SPATA17: variants seen among roughly 807,000 people sequenced by gnomAD.
SPATA17 encodes the protein spermatogenesis associated 17.
In SPATA17, 53 loss-of-function variants were observed where a neutral mutation model predicts 62.2. The observed-to-expected ratio is 0.85, with a 90% CI of 0.68 to 1.07. The LOEUF (loss-of-function observed/expected upper bound fraction) is 1.07. Ranked by LOEUF, SPATA17 falls within the 50% of genes least tolerant of loss-of-function variation. The probability of loss-of-function intolerance (pLI) is 0.00; values close to 1 mark genes in which losing one functional copy is unlikely to be tolerated. For synonymous variants in SPATA17, 146 were observed against 146.8 expected (o/e 0.99, Z 0.04); for missense variants, 466 against 425.5 (o/e 1.10, Z -0.84).
At chr1:217,849,640 C>T (rs1010300056) in intron 9 of SPATA17, among the ~76,000 whole-genome samples, 1 of 152,018 alleles carries the variant, frequency 6.6e-6, no homozygotes, top group Non-Finnish European at 1.5e-5. Context: ...AGTATGAAAC[C>T]TTTCACTTAA....
chr1:217,847,026 C>T (rs1242026034), intron 9 of SPATA17, among the ~76,000 whole-genome samples: 1 of 151,938 alleles, frequency 6.6e-6, no homozygotes, highest in Non-Finnish European at 1.5e-5. Context: ...CAAAACAATA[C>T]ATACACAGTT....
At chr1:217,732,849 TATTA>T (rs1332691699) in intron 5 of SPATA17, among the ~76,000 whole-genome samples, 2 of 152,202 alleles carry the variant, frequency 1.3e-5, no homozygotes, top group Non-Finnish European at 2.9e-5. Flanking sequence ...GTTATGTCAT[TATTA>T]ATTATTTGAC....
intron 1 of SPATA17, among the ~76,000 whole-genome samples, chr1:217,643,073 C>G (rs754363847): frequency 3.9e-5 from 6 of 152,138 alleles, no homozygotes; most frequent in Non-Finnish European, 8.8e-5. Context: ...CATTTTACAT[C>G]TATACTTATT....
chr1:217,859,028 A>C (rs899871926), intron 9 of SPATA17, among the ~76,000 whole-genome samples: 9 of 150,860 alleles, frequency 6.0e-5, no homozygotes, highest in Non-Finnish European at 7.4e-5. Flanking sequence ...ACTCCGTCTC[A>C]AAAAATAAAT....
intron 8 of SPATA17, 79 bp downstream of exon 8, chr1:217,782,401 G>A (rs2102976943): frequency 7.2e-7 from 1 of 1,391,872 alleles, no homozygotes; most frequent in East Asian, 2.6e-5. Context: ...TTCTAATACT[G>A]TAAAAAATCT....
chr1:217,758,652 A>G (rs1673103317), intron 6 of SPATA17, among the ~76,000 whole-genome samples: 1 of 152,250 alleles, frequency 6.6e-6, no homozygotes, highest in African/African-American at 2.4e-5. Flanking sequence ...TGGGTATGGC[A>G]AGATGATTGA....
intron 9 of SPATA17, among the ~76,000 whole-genome samples, chr1:217,837,923 G>C (rs12081078): frequency 0.037 from 5,678 of 152,128 alleles, 312 homozygotes; most frequent in African/African-American, 0.12. Context: ...AACACATTCT[G>C]TGTGGTCAGG....
intron 1 of SPATA17, among the ~76,000 whole-genome samples, chr1:217,647,827 G>A (rs921496463): frequency 6.6e-6 from 1 of 151,982 alleles, no homozygotes; most frequent in African/African-American, 2.4e-5. Context: ...GGGTTCAAGC[G>A]ATTCTTCTGT....
intron 8 of SPATA17, among the ~76,000 whole-genome samples, chr1:217,787,061 C>T (rs1350812304): frequency 1.3e-5 from 2 of 151,990 alleles, no homozygotes; most frequent in African/African-American, 4.8e-5. Flanking sequence ...TGTGAGTTAC[C>T]TTCTCCTCCA....
intron 9 of SPATA17, among the ~76,000 whole-genome samples, chr1:217,859,306 T>A (rs1675851249): frequency 6.7e-6 from 1 of 148,656 alleles, no homozygotes. Context: ...TAATTTTCTA[T>A]GTGTATACAT....
At chr1:217,654,199 G>A (rs1399882383) in intron 3 of SPATA17, among the ~76,000 whole-genome samples, 1 of 150,390 alleles carries the variant, frequency 6.6e-6, no homozygotes, top group Non-Finnish European at 1.5e-5. Flanking sequence ...GTGCACTGGT[G>A]TGATCTTGGC....
chr1:217,850,549 T>G, intron 9 of SPATA17: 1 of 1,592,614 alleles, frequency 6.3e-7, no homozygotes, highest in Non-Finnish European at 8.6e-7. Context: ...TCCTGGATAT[T>G]GGCCTTCACA....
In SPATA17 at chr1:217,835,551, GTAGTGCATTGAATAACCA is replaced by G. The variant is rs1278092351; in HGVS notation, c.1006-27206_1006-27189del. On this transcript the variant is annotated intron_variant, in intron 9 of 10. Coordinates refer to ENST00000366933, the MANE Select transcript of SPATA17 (RefSeq NM_138796.4). Reference sequence around the variant, plus strand: ...CGTGACCCTAGTGCATTGAATAACCGTAGTGCATTGAATAACCATAGTGCATTGAATAACAATAAAATT... The same window carrying G: ...CGTGACCCTAGTGCATTGAATAACCGTAGTGCATTGAATAACAATAAAATT... Among the ~76,000 whole-genome samples the G allele has an allele frequency of 1.1e-4, 16 of 152,188 alleles. No homozygotes were observed. The South Asian group carries it at 2.1e-3, about 20-fold the overall frequency.
At chr1:217,829,346 G>A (rs866855805) in intron 9 of SPATA17, among the ~76,000 whole-genome samples, 13 of 151,914 alleles carry the variant, frequency 8.6e-5, no homozygotes, top group African/African-American at 3.1e-4. Context: ...TACTGCATTC[G>A]GTCGGGCATG....
chr1:217,636,452 T>G (rs1439416719), intron 1 of SPATA17, among the ~76,000 whole-genome samples: 3 of 152,066 alleles, frequency 2.0e-5, no homozygotes, highest in Non-Finnish European at 4.4e-5. Flanking sequence ...CTCGCTCTGT[T>G]GCCCAGGCTG....
intron 9 of SPATA17, among the ~76,000 whole-genome samples, chr1:217,823,806 TATATTTTTTGATGGTCATATC>T (rs2102998205): frequency 1.3e-5 from 2 of 152,172 alleles, no homozygotes; most frequent in South Asian, 4.1e-4. Context: ...GTCGGGTGCA[TATATTTTTTGATGGTCATATC>T]ATTTTGCTGA....
chr1:217,662,700 T>C (rs545911279), intron 3 of SPATA17, among the ~76,000 whole-genome samples: 1 of 152,280 alleles, frequency 6.6e-6, no homozygotes, highest in East Asian at 1.9e-4. Flanking sequence ...CTTTTCATGG[T>C]TGGCAAAAAT....
chr1:217,809,853 T>C (rs527505997), intron 9 of SPATA17, among the ~76,000 whole-genome samples: 5 of 152,182 alleles, frequency 3.3e-5, no homozygotes, highest in African/African-American at 9.6e-5. Context: ...TTAACTGATA[T>C]GCAACCATTC....
Position 217,801,776 on chromosome 1 carries a change from T to C in SPATA17, c.931T>C (p.Ser311Pro). 1 of 1,611,706 alleles carries C rather than the reference T, an allele frequency of 6.2e-7. No homozygotes were observed. Residue 311 changes from serine to proline, a missense_variant, in exon 9 of 11, where the codon TCA (serine) becomes CCA (proline). Physicochemically the swap from Ser to Pro is moderately conservative, Grantham distance 74. Transcript: ENST00000366933. ...NEKYIPSMHL[S>P]SKYGPISYKE... ...AAAGTACATCCCATCAATGCATTTA[T>C]CAAGCAAGTATGGTCCTATTTCTTA... is the stretch of plus-strand genomic sequence containing the variant.
Sources: gnomAD v4.1 joint callset for allele counts (sites outside exome capture counted in the v4.1 genomes callset) on GRCh38, gnomAD v4.1.1 for gene constraint, MANE v1.5 for transcripts, NCBI Gene and HGNC (gene_info 2026-07-23, HGNC 2026-07-21) for gene names.